The following MDGA2 variants were observed in gnomAD, a reference collection of about 807,000 sequenced individuals.
MDGA2 encodes MAM domain-containing glycosylphosphatidylinositol anchor protein 2.
MDGA2 carries 40 observed loss-of-function variants against 117.8 expected under a neutral mutation model. The observed-to-expected ratio is 0.34, with a 90% CI of 0.26 to 0.44. The LOEUF is 0.44. Ranked by LOEUF, MDGA2 falls within the 20% of genes least tolerant of loss-of-function variation. The pLI is 1.00. For missense variants in MDGA2, 1,123 were observed against 1,250.6 expected (o/e 0.90, Z 1.54); for synonymous variants, 452 against 439.0 (o/e 1.03, Z -0.37).
At chr14:47,506,442 T>C (rs1465221402) in intron 1 of MDGA2, among the ~76,000 whole-genome samples, 2 of 152,212 alleles carry the variant, frequency 1.3e-5, no homozygotes, top group African/African-American at 2.4e-5. Flanking sequence ...AAATTTCTTC[T>C]CAGTATTTTA....
intron 7 of MDGA2, among the ~76,000 whole-genome samples, chr14:47,053,489 G>T (rs531592126): frequency 3.4e-4 from 51 of 151,080 alleles, no homozygotes; most frequent in African/African-American, 6.8e-4. Context: ...AATGACCGAG[G>T]CATAACAGTT....
At position 47,674,726 on chromosome 14, in the gene MDGA2, C is replaced by G. The variant is rs1398673273; in HGVS notation, c.71G>C (p.Arg24Pro). 2 of 813,140 alleles carry G rather than the reference C, an allele frequency of 2.5e-6. No homozygotes were observed. The highest frequency in any genetic ancestry group is 2.9e-5 in the South Asian group (2 of 69,252). 50.4% of individuals were successfully genotyped at this position (813,140 alleles called of 1,614,324 possible). Residue 24 changes from arginine (R) to proline (P), a missense_variant, in exon 1 of 17, where the codon CGC (arginine) becomes CCC (proline). Physicochemically the swap from Arg to Pro is moderately radical, Grantham distance 103 (BLOSUM62 -2). Coordinates refer to ENST00000399232, the MANE Select transcript of MDGA2 (RefSeq NM_001113498.3). ...RRRRGRTDGR[R>P]FLLRRAVPGH... ...GGGAACCGCTCGCCGAAGGAGGAAG[C>G]GCCGTCCGTCTGTCCTTCCCCGGCG...
intron 1 of MDGA2, among the ~76,000 whole-genome samples, chr14:47,648,667 G>A (rs1168647941): frequency 5.7e-4 from 86 of 152,092 alleles, no homozygotes; most frequent in Non-Finnish European, 1.5e-4. Flanking sequence ...GACCAGGAAT[G>A]GGAAGTAAAA....
chr14:47,163,802 A>G (rs1883745118), intron 3 of MDGA2, among the ~76,000 whole-genome samples: 1 of 152,220 alleles, frequency 6.6e-6, no homozygotes, highest in African/African-American at 2.4e-5. Context: ...CCAGTGGCAT[A>G]TGGTGACAGT....
At chr14:47,487,059 A>T (rs537938996) in intron 1 of MDGA2, among the ~76,000 whole-genome samples, 1 of 152,334 alleles carries the variant, frequency 6.6e-6, no homozygotes, top group South Asian at 2.1e-4. Context: ...CTCTTCCCTT[A>T]GCTATGAAAA....
Position 47,551,497 on chromosome 14 carries a change from C to T in MDGA2, c.280+123020G>A, listed in dbSNP as rs2038312. ...GTTCTTCTGGGTTTCCATGAAACAC[C>T]CTGACATTTTATTTAAATAAAGGAT... On this transcript the variant is annotated intron_variant, in intron 1 of 16. Transcript: ENST00000399232. Among the ~76,000 whole-genome samples, 624 of 152,174 alleles carry T rather than the reference C, an allele frequency of 4.1e-3. 8 individuals carry two copies. Among genetic ancestry groups the T allele is most frequent in the African/African-American group, 0.014 (594 of 41,492 alleles).
At chr14:47,071,086 T>C (rs993505355) in intron 6 of MDGA2, among the ~76,000 whole-genome samples, 4 of 152,234 alleles carry the variant, frequency 2.6e-5, no homozygotes, top group African/African-American at 7.2e-5. Flanking sequence ...ATGTGCATTA[T>C]TAAAATAGAT....
At chr14:47,011,481 G>T (rs1887894075) in intron 8 of MDGA2, among the ~76,000 whole-genome samples, 1 of 151,874 alleles carries the variant, frequency 6.6e-6, no homozygotes, top group Non-Finnish European at 1.5e-5. Context: ...GGGTGGTTCT[G>T]TTGAACCTAT....
At chr14:46,919,930 T>A in intron 10 of MDGA2, 82 bp downstream of exon 10, 1 of 1,288,942 alleles carries the variant, frequency 7.8e-7, no homozygotes, top group South Asian at 1.8e-5. Flanking sequence ...TTGGAATTCA[T>A]GCAAAACTCT....
At chr14:47,085,757 T>C (rs1433727046) in intron 6 of MDGA2, among the ~76,000 whole-genome samples, 1 of 152,090 alleles carries the variant, frequency 6.6e-6, no homozygotes, top group Non-Finnish European at 1.5e-5. Context: ...TTCAGATTCC[T>C]AGAAAAACAA....
intron 1 of MDGA2, among the ~76,000 whole-genome samples, chr14:47,313,547 T>C (rs1438952960): frequency 1.3e-5 from 2 of 152,174 alleles, no homozygotes; most frequent in Admixed American, 6.6e-5. Context: ...CTCTCCTGCC[T>C]CTGCCTCCCC....
intron 3 of MDGA2, among the ~76,000 whole-genome samples, chr14:47,171,917 C>T (rs927992492): frequency 3.3e-5 from 5 of 152,172 alleles, no homozygotes; most frequent in Non-Finnish European, 7.3e-5. Context: ...ACAGTAGGCA[C>T]CTGGAATATC....
At chr14:47,540,563 T>TATATATATATATATATATATAC (rs370481455) in intron 1 of MDGA2, among the ~76,000 whole-genome samples, 88 of 112,444 alleles carry the variant, frequency 7.8e-4, no homozygotes, top group Non-Finnish European at 1.3e-3. Context: ...TGTATATATA[T>TATATATATATATATATATATAC]ACACACACAC....
chr14:47,120,763 T>C (rs532205071), intron 5 of MDGA2, among the ~76,000 whole-genome samples: 5 of 152,324 alleles, frequency 3.3e-5, no homozygotes, highest in Middle Eastern at 3.4e-3. Context: ...TTTCCCAGCA[T>C]ACCAATCTTC....
intron 1 of MDGA2, among the ~76,000 whole-genome samples, chr14:47,563,585 T>C (rs1895859492): frequency 1.4e-5 from 1 of 73,556 alleles, no homozygotes; most frequent in African/African-American, 4.3e-5. Context: ...TCTGTTTTTT[T>C]TTTTTTTTTT....
intron 1 of MDGA2, among the ~76,000 whole-genome samples, chr14:47,431,945 A>C (rs908121446): frequency 1.3e-5 from 2 of 152,116 alleles, no homozygotes; most frequent in Non-Finnish European, 2.9e-5. Context: ...CCTTATGAAC[A>C]ACCTGAAGCA....
At chr14:47,423,404 G>C (rs61995175) in intron 1 of MDGA2, among the ~76,000 whole-genome samples, 3 of 152,056 alleles carry the variant, frequency 2.0e-5, no homozygotes, top group Non-Finnish European at 4.4e-5. Context: ...CCAGATACTA[G>C]GTGCTTTACG....
intron 1 of MDGA2, among the ~76,000 whole-genome samples, chr14:47,506,443 C>G (rs951213656): frequency 3.9e-5 from 6 of 152,154 alleles, no homozygotes; most frequent in Non-Finnish European, 7.3e-5. Flanking sequence ...AATTTCTTCT[C>G]AGTATTTTAA....
At chr14:47,035,997 C>T (rs765538811) in intron 7 of MDGA2, among the ~76,000 whole-genome samples, 46 of 151,946 alleles carry the variant, frequency 3.0e-4, no homozygotes, top group Non-Finnish European at 4.0e-4. Context: ...TGGTCTTGCG[C>T]GGTGGCTCAC....
Sources: gnomAD v4.1 joint callset for allele counts (sites outside exome capture counted in the v4.1 genomes callset) on GRCh38, gnomAD v4.1.1 for gene constraint, MANE v1.5 for transcripts, NCBI Gene and HGNC (gene_info 2026-07-23, HGNC 2026-07-21) for gene names.